CMC2: variants seen among roughly 807,000 people sequenced by gnomAD.
The protein encoded by CMC2 is COX assembly mitochondrial protein 2 homolog.
A neutral mutation model predicts 7.5 loss-of-function variants in CMC2; 5 were observed. That is an observed-to-expected ratio of 0.66 (90% CI 0.35 to 1.40). The LOEUF (loss-of-function observed/expected upper bound fraction) is 1.40, where lower values mean the gene tolerates loss of function less well. Among genes scored for constraint, CMC2 ranks in the 40% most tolerant of loss-of-function variants. The pLI is 0.04. For missense variants in CMC2, 115 were observed against 92.3 expected, an observed-to-expected ratio of 1.25 and a Z score of -1.01; for synonymous variants, 37 against 31.4, an observed-to-expected ratio of 1.18 and a Z score of -0.60.
intron 2 of CMC2, chr16:80,983,918 T>G (rs765113772): frequency 1.3e-5 from 2 of 151,526 alleles, no homozygotes; most frequent in African/African-American, 4.9e-5. Context: ...GAGGTGGAGG[T>G]TGCGGTGAGC....
intron 2 of CMC2, among the ~76,000 whole-genome samples, chr16:80,993,380 G>A (rs957468993): frequency 6.6e-6 from 1 of 152,138 alleles, no homozygotes; most frequent in Non-Finnish European, 1.5e-5. Flanking sequence ...CCGAGCAGAG[G>A]AGGCAAACGT....
At chr16:80,991,481 A>G (rs1256889231) in intron 2 of CMC2, among the ~76,000 whole-genome samples, 2 of 152,098 alleles carry the variant, frequency 1.3e-5, no homozygotes, top group Non-Finnish European at 2.9e-5. Flanking sequence ...ACAAATATAC[A>G]AATACAAAAA....
chr16:80,992,872 T>G (rs1221015412), intron 2 of CMC2, among the ~76,000 whole-genome samples: 1 of 152,138 alleles, frequency 6.6e-6, no homozygotes, highest in Admixed American at 6.5e-5. Context: ...TTTTATTTTT[T>G]GTAGAGACAG....
At chr16:80,984,670 CATG>C in intron 2 of CMC2, among the ~76,000 whole-genome samples, 1 of 152,224 alleles carries the variant, frequency 6.6e-6, no homozygotes, top group Admixed American at 6.5e-5. Flanking sequence ...AACAAATAAA[CATG>C]ACAATGCATT....
intron 2 of CMC2, among the ~76,000 whole-genome samples, chr16:80,993,899 T>C (rs1027747948): frequency 2.6e-5 from 4 of 151,942 alleles, no homozygotes; most frequent in East Asian, 1.9e-4. Flanking sequence ...CAAAACAACT[T>C]TGAAAAAAGA....
chr16:80,968,023 GAA>G lies in CMC2; in HGVS notation c.*8068_*8069del, dbSNP rs1312656074. The G allele has an allele frequency of 1.3e-5, 2 of 151,940 alleles. No individual in the cohort carries two copies. The highest frequency in any genetic ancestry group is 2.9e-5 in the Non-Finnish European group (2 of 67,990). The allele number at this position is 151,940 out of a possible 1,614,324, so 9.4% of individuals were successfully genotyped here. ...GGAAACTGCTTAAAAATTAAATGCAGAAAAAAGAGTAAGCTAGAAGTGATGAC... is the reference window on the plus strand; with the variant it reads ...GGAAACTGCTTAAAAATTAAATGCAGAAAAGAGTAAGCTAGAAGTGATGAC... On this transcript the variant is annotated 3_prime_UTR_variant, in exon 4 of 4. Coordinates refer to ENST00000219400, the MANE Select transcript of CMC2 (RefSeq NM_020188.5).
In CMC2 at chr16:80,972,951, C is replaced by G. The variant is rs1290487374; in HGVS notation, c.*3142G>C. 6.6e-6 allele frequency: 1 copy of G among 152,546 alleles called. No homozygotes were observed. The highest frequency in any genetic ancestry group is 1.5e-5 in the Non-Finnish European group (1 of 68,222). The allele number at this position is 152,546 out of a possible 1,614,324, so 9.4% of individuals were successfully genotyped here. On this transcript the variant is annotated 3_prime_UTR_variant, in exon 4 of 4. Coordinates refer to ENST00000219400, the MANE Select transcript of CMC2 (RefSeq NM_020188.5). ...TCATAAAGGCAAGAAGACATGGAAC[C>G]TCTGCACCTCCCAACCCCACTCTCC... is the stretch of plus-strand genomic sequence containing the variant.
chr16:80,991,917 A>C, intron 2 of CMC2: 1 of 455,174 alleles, frequency 2.2e-6, no homozygotes, highest in Non-Finnish European at 4.4e-6. Flanking sequence ...GAGCCTAAAG[A>C]GTGACAAGAA....
intron 2 of CMC2, among the ~76,000 whole-genome samples, chr16:80,995,525 C>T (rs555336161): frequency 6.6e-6 from 1 of 152,090 alleles, no homozygotes; most frequent in East Asian, 1.9e-4. Flanking sequence ...GGCCTGGTGG[C>T]GCACGCCTGT....
chr16:81,004,098 C>A (rs2151657353), intron 1 of CMC2, among the ~76,000 whole-genome samples: 1 of 152,242 alleles, frequency 6.6e-6, no homozygotes, highest in South Asian at 2.1e-4. Context: ...TGGTGGGGGC[C>A]TGTAATCCAG....
intron 1 of CMC2, among the ~76,000 whole-genome samples, chr16:81,005,102 A>G (rs538946617): frequency 1.3e-5 from 2 of 151,782 alleles, no homozygotes; most frequent in African/African-American, 4.8e-5. Flanking sequence ...TGTTCTCCAG[A>G]AAAAAAAACT....
intron 2 of CMC2, chr16:80,996,994 A>C (rs1968470964): frequency 4.2e-6 from 2 of 470,868 alleles, no homozygotes; most frequent in Admixed American, 5.3e-5. Flanking sequence ...CAGAAGTGTC[A>C]GCGCTGAATA....
intron 1 of CMC2, among the ~76,000 whole-genome samples, chr16:81,001,022 G>A (rs1297504678): frequency 1.3e-5 from 2 of 152,162 alleles, no homozygotes; most frequent in Non-Finnish European, 2.9e-5. Context: ...CCATAAAAAA[G>A]GACGAAATTA....
intron 1 of CMC2, among the ~76,000 whole-genome samples, chr16:81,001,745 T>C (rs1968883566): frequency 6.6e-6 from 1 of 152,104 alleles, no homozygotes; most frequent in African/African-American, 2.4e-5. Flanking sequence ...CAAAAAACTG[T>C]CTGAACAAAT....
At chr16:81,006,042 G>A (rs1436475950) in intron 1 of CMC2, among the ~76,000 whole-genome samples, 1 of 152,142 alleles carries the variant, frequency 6.6e-6, no homozygotes, top group Non-Finnish European at 1.5e-5. Context: ...GATACGAATG[G>A]CATCACAACA....
chr16:80,980,969 C>A, intron 3 of CMC2: 1 of 485,102 alleles, frequency 2.1e-6, no homozygotes, highest in South Asian at 3.2e-5. Context: ...AGGTGAATGT[C>A]ACAATTTAAA....
rs547350418 is a variant in CMC2, at chr16:80,970,869, A to T, written c.*5224T>A. On this transcript the variant is annotated 3_prime_UTR_variant, in exon 4 of 4. Coordinates refer to ENST00000219400, the MANE Select transcript of CMC2 (RefSeq NM_020188.5). ...AAGAGATATTAGAATAAGTAATTTTAAAAATACCCCTTAGACACAAATCTA... is the reference window on the plus strand; with the variant it reads ...AAGAGATATTAGAATAAGTAATTTTTAAAATACCCCTTAGACACAAATCTA... 101 of 152,360 alleles carry T rather than the reference A, an allele frequency of 6.6e-4. No homozygotes were observed. Among genetic ancestry groups the T allele is most frequent in the Admixed American group, 6.5e-3 (100 of 15,302 alleles). The allele number at this position is 152,360 out of a possible 1,614,324, so 9.4% of individuals were successfully genotyped here.
At chr16:80,981,917 T>C in intron 2 of CMC2, 40 bp from the exon 3 acceptor site, 1 of 1,328,674 alleles carries the variant, frequency 7.5e-7, no homozygotes, top group Non-Finnish European at 1.1e-6. Context: ...CATCCCATAA[T>C]ATGCCAAGGT....
In CMC2 at chr16:80,973,765, A is replaced by C. The variant is rs11644490; in HGVS notation, c.*2328T>G. 151,542 of 152,328 alleles carry C rather than the reference A, an allele frequency of 0.99. 75,384 individuals carry two copies. The highest frequency in any genetic ancestry group is 1 in the Middle Eastern group (294 of 294). The allele number at this position is 152,328 out of a possible 1,614,324, so 9.4% of individuals were successfully genotyped here. A position where few individuals can be genotyped will look rare whatever the true frequency, so the allele number is the denominator to read the frequency against. On this transcript the variant is annotated 3_prime_UTR_variant, in exon 4 of 4. Coordinates refer to ENST00000219400, the MANE Select transcript of CMC2 (RefSeq NM_020188.5). ...ACTCCCTTCCTAGAGGAAGCTGGAA[A>C]GGTAGATCATTGCCATAGCCTTCAG... is the stretch of plus-strand genomic sequence containing the variant.
Sources: allele counts gnomAD v4.1 joint callset (sites outside exome capture counted in the v4.1 genomes callset), GRCh38; gene constraint gnomAD v4.1.1; transcripts MANE v1.5; gene names NCBI Gene and HGNC (gene_info 2026-07-23, HGNC 2026-07-21).